Variants in CAGE1 observed in about 807,000 individuals in gnomAD.
CAGE1 encodes cancer antigen 1, also known as cancer-associated gene 1 protein.
CAGE1 carries 66 observed loss-of-function variants against 94.9 expected under a neutral mutation model. That is an observed-to-expected ratio of 0.70 (90% CI 0.57 to 0.85). CAGE1 has a LOEUF of 0.85. CAGE1 is among the 40% of genes least tolerant of loss of function. The pLI is 0.00. For synonymous variants in CAGE1, 319 were observed against 321.0 expected (o/e 0.99, Z 0.07); for missense variants, 865 against 950.4 (o/e 0.91, Z 1.18).
chr6:7,343,535 T>C (rs1218112790), intron 11 of CAGE1, among the ~76,000 whole-genome samples: 1 of 152,216 alleles, frequency 6.6e-6, no homozygotes, highest in Non-Finnish European at 1.5e-5. Context: ...AGGGGCTTCA[T>C]GTGGGTAGAA....
chr6:7,387,233 CA>C (rs756936066), intron 1 of CAGE1, 37 bp from the exon 2 acceptor site: 3 of 1,269,960 alleles, frequency 2.4e-6, no homozygotes, highest in African/African-American at 3.0e-5. Context: ...TAGGTATAAA[CA>C]AAAAGTTTTT....
In CAGE1 at chr6:7,364,960, C is replaced by T. The variant is rs1216795629; in HGVS notation, c.2193+508G>A. Among the ~76,000 whole-genome samples the T allele has an allele frequency of 3.3e-5, 5 of 152,082 alleles. No homozygotes were observed. In the East Asian group the frequency reaches 5.8e-4, roughly 18 times the overall value. On this transcript the variant is annotated intron_variant, in intron 9 of 13. Transcript: ENST00000502583. Reference sequence around the variant, plus strand: ...ATAAAAATTCATTATGTTAATTAGTCGTTTTCATTTTAGTGAGATCCAACT... The same window carrying T: ...ATAAAAATTCATTATGTTAATTAGTTGTTTTCATTTTAGTGAGATCCAACT...
At chr6:7,361,506 T>A (rs529328730) in intron 9 of CAGE1, among the ~76,000 whole-genome samples, 1 of 152,306 alleles carries the variant, frequency 6.6e-6, no homozygotes, top group Admixed American at 6.5e-5. Flanking sequence ...CATATAAGTA[T>A]TCCATCAAGA....
rs1761250552 is a variant in CAGE1 at position 7,389,297 on chromosome 6, G to C, written c.-119C>G. The stretch of plus-strand genomic sequence containing the variant: ...AGTGTGCTCACTTCCAGGATCCATA[G>C]TTTCTTGGACCCACGCTACGGACCT... On this transcript the variant is annotated 5_prime_UTR_variant, in exon 1 of 14. Transcript: ENST00000502583. 1 of 456,172 alleles carries C rather than the reference G, an allele frequency of 2.2e-6. No homozygotes were observed. Among genetic ancestry groups the C allele is most frequent in the Admixed American group, 2.3e-5 (1 of 42,566 alleles). 28.3% of individuals were successfully genotyped at this position (456,172 alleles called of 1,614,324 possible).
chr6:7,341,165 C>T (rs1759159893), intron 11 of CAGE1: 4 of 582,336 alleles, frequency 6.9e-6, no homozygotes, highest in Non-Finnish European at 1.3e-5. Context: ...GGCAGGTACA[C>T]TTTGTCAATC....
At chr6:7,349,960 GA>G (rs1396401227) in intron 11 of CAGE1, among the ~76,000 whole-genome samples, 3 of 124,032 alleles carry the variant, frequency 2.4e-5, no homozygotes, top group African/African-American at 9.2e-5. Context: ...AAGAAAGAAA[GA>G]AAGAAGAAAA....
chr6:7,375,682 C>T (rs1313259575), intron 4 of CAGE1, among the ~76,000 whole-genome samples: 1 of 152,120 alleles, frequency 6.6e-6, no homozygotes, highest in Non-Finnish European at 1.5e-5. Flanking sequence ...TCACACTGCT[C>T]TCCAATCTGA....
rs1377609829 is a variant in CAGE1 at position 7,389,694 on chromosome 6, G to A, written c.-516C>T. Reference sequence around the variant, plus strand: ...CCGGCTACTCAACACGCCTTCCTGAGAGCACAGAACATCCACAGCCCTATA... The same window carrying A: ...CCGGCTACTCAACACGCCTTCCTGAAAGCACAGAACATCCACAGCCCTATA... On this transcript the variant is annotated 5_prime_UTR_variant, in exon 1 of 14. Transcript: ENST00000502583. 66 of 478,088 alleles carry A rather than the reference G, an allele frequency of 1.4e-4. 1 individual carries two copies. The South Asian group carries it at 1.6e-3, about 11-fold the overall frequency. 29.6% of individuals were successfully genotyped at this position (478,088 alleles called of 1,614,324 possible).
At chr6:7,376,028 T>G (rs1057331014) in intron 4 of CAGE1, among the ~76,000 whole-genome samples, 6 of 151,926 alleles carry the variant, frequency 3.9e-5, no homozygotes, top group Admixed American at 3.3e-4. Context: ...TAGTAAGAGG[T>G]GAATAAAAAT....
chr6:7,372,423 A>G (rs933429746), intron 5 of CAGE1, among the ~76,000 whole-genome samples: 7 of 150,076 alleles, frequency 4.7e-5, no homozygotes, highest in Middle Eastern at 3.5e-3. Context: ...GTGAGCCAAG[A>G]TCGTGTCACT....
chr6:7,351,325 A>C (rs185436259), intron 11 of CAGE1, among the ~76,000 whole-genome samples: 2 of 152,238 alleles, frequency 1.3e-5, no homozygotes, highest in African/African-American at 4.8e-5. Context: ...CCAACAAAAA[A>C]AGTCCAGGAC....
At chr6:7,357,741 C>T (rs1760007218) in intron 9 of CAGE1, among the ~76,000 whole-genome samples, 1 of 151,936 alleles carries the variant, frequency 6.6e-6, no homozygotes, top group African/African-American at 2.4e-5. Flanking sequence ...CGATTAATAA[C>T]ACATATTTAA....
chr6:7,330,769 A>G (rs1758721514), intron 12 of CAGE1, among the ~76,000 whole-genome samples: 1 of 152,206 alleles, frequency 6.6e-6, no homozygotes, highest in Non-Finnish European at 1.5e-5. Flanking sequence ...TCTTGGCTGG[A>G]AAGGGCTTTG....
At chr6:7,374,648 T>C (rs913368915) in intron 4 of CAGE1, among the ~76,000 whole-genome samples, 6 of 152,316 alleles carry the variant, frequency 3.9e-5, no homozygotes, top group African/African-American at 1.2e-4. Context: ...TATCTCATTA[T>C]TCTGTGACTC....
intron 9 of CAGE1, among the ~76,000 whole-genome samples, chr6:7,361,907 C>T (rs1760177712): frequency 6.6e-6 from 1 of 152,182 alleles, no homozygotes; most frequent in Non-Finnish European, 1.5e-5. Context: ...TAGTCTCTTC[C>T]TTAGGAGGCT....
chr6:7,338,986 T>C (rs1307923343), intron 11 of CAGE1: 28 of 1,608,484 alleles, frequency 1.7e-5, no homozygotes, highest in South Asian at 2.2e-5. Flanking sequence ...ATCTTACCAG[T>C]TGGGTCCCAG....
chr6:7,374,130 G>C lies in CAGE1; in HGVS notation c.689C>G (p.Thr230Ser). 1 of 1,607,670 alleles carries C rather than the reference G, an allele frequency of 6.2e-7. No individual in the cohort carries two copies. The highest frequency in any genetic ancestry group is 1.3e-5 in the African/African-American group (1 of 74,872). The part of the protein sequence containing the change: ...PSQPPSFLCK[T>S]AVPSKEIQNY... ...CTGTATTTCTTTTGAAGGAACTGCA[G>C]TCTGTAAATTATAGTAAACAAAGTA... is the stretch of plus-strand genomic sequence containing the variant. Residue 230 changes from threonine to serine, a missense_variant and splice_region_variant, in exon 5 of 14, where the codon ACT (threonine) becomes AGT (serine). Thr to Ser is a moderately conservative substitution (Grantham distance 58, BLOSUM62 1). Coordinates refer to ENST00000502583, the MANE Select transcript of CAGE1 (RefSeq NM_001170692.2).
intron 9 of CAGE1, 69 bp from the exon 10 acceptor site, chr6:7,356,198 A>G (rs1759948417): frequency 2.5e-6 from 2 of 813,654 alleles, no homozygotes; most frequent in African/African-American, 3.5e-5. Flanking sequence ...GATGCCAAGA[A>G]CAAATGAGAA....
intron 9 of CAGE1, among the ~76,000 whole-genome samples, chr6:7,356,355 CT>C (rs1671455640): frequency 6.6e-6 from 1 of 152,154 alleles, no homozygotes; most frequent in Non-Finnish European, 1.5e-5. Flanking sequence ...CCTCTTTATA[CT>C]ATAAAACAGC....
Sources: gnomAD v4.1 joint callset for allele counts (sites outside exome capture counted in the v4.1 genomes callset) on GRCh38, gnomAD v4.1.1 for gene constraint, MANE v1.5 for transcripts, NCBI Gene and HGNC (gene_info 2026-07-23, HGNC 2026-07-21) for gene names.